TENM2: variants seen among roughly 807,000 people sequenced by gnomAD.
TENM2 encodes teneurin transmembrane protein 2.
Under a neutral mutation model 245.2 loss-of-function variants are expected in TENM2, and 52 were observed. The observed-to-expected ratio is 0.21, with a 90% CI of 0.17 to 0.27. The LOEUF (loss-of-function observed/expected upper bound fraction) is 0.27, where lower values mean the gene tolerates loss of function less well. TENM2 is among the 10% of genes least tolerant of loss of function. TENM2 has a pLI of 1.00. For synonymous variants in TENM2, 1,363 were observed against 1,438.9 expected (o/e 0.95, Z 1.19); for missense variants, 3,046 against 3,666.8 (o/e 0.83, Z 4.37).
In TENM2 at chr5:167,978,527, T is replaced by A. The variant is rs574975285; in HGVS notation, c.948-14417T>A. 5.3e-5 allele frequency among the ~76,000 whole-genome samples: 8 copies of A among 152,234 alleles called. No individual in the cohort carries two copies. In the East Asian group the frequency reaches 9.6e-4, roughly 18 times the overall value. ...GTGAAAAGAAGCCAGACACAAAAGG[T>A]CACATATTGTATGAGTCCATTTATC... On this transcript the variant is annotated intron_variant, in intron 4 of 28. Transcript: ENST00000518659.
chr5:167,515,680 T>TACACATATATACGTATATATGTATATATA (rs1283561249), intron 2 of TENM2, among the ~76,000 whole-genome samples: 2 of 55,876 alleles, frequency 3.6e-5, no homozygotes, highest in South Asian at 1.1e-3. Flanking sequence ...TGTATATATA[T>TACACATATATACGTATATATGTATATATA]TTTGAGAGGG....
intron 13 of TENM2, among the ~76,000 whole-genome samples, chr5:168,163,860 C>T (rs1757969980): frequency 6.6e-6 from 1 of 152,234 alleles, no homozygotes; most frequent in Non-Finnish European, 1.5e-5. Context: ...TGGACACCTT[C>T]CTCCAGAGCC....
At chr5:167,279,514 TTTCCTTCCTTCCTTCC>T in the TENM2 span, among the ~76,000 whole-genome samples, 96 of 98,292 alleles carry the variant, frequency 9.8e-4, no homozygotes, top group African/African-American at 3.0e-3. Context: ...CCTTCCTTCC[TTTCCTTCCTTCCTTCC>T]TTCCTTCCTT....
chr5:168,258,425 C>T (rs923302768), intron 27 of TENM2, among the ~76,000 whole-genome samples: 4 of 152,040 alleles, frequency 2.6e-5, no homozygotes, highest in African/African-American at 7.2e-5. Flanking sequence ...CACTTGAACC[C>T]AGGAGGCGGA....
intron 6 of TENM2, among the ~76,000 whole-genome samples, chr5:168,060,590 T>C (rs866206862): frequency 1.4e-4 from 21 of 152,218 alleles, no homozygotes; most frequent in South Asian, 2.1e-4. Context: ...TTTATTATCC[T>C]AGAAGTCAAA....
intron 4 of TENM2, among the ~76,000 whole-genome samples, chr5:167,960,494 G>A (rs1780922664): frequency 6.6e-6 from 1 of 152,164 alleles, no homozygotes; most frequent in Non-Finnish European, 1.5e-5. Context: ...TGTTTACACT[G>A]TGAGGGGAAA....
the TENM2 span, among the ~76,000 whole-genome samples, chr5:167,125,967 T>C: frequency 6.6e-5 from 10 of 152,196 alleles, no homozygotes; most frequent in African/African-American, 2.4e-4. Flanking sequence ...AAAGTATGTT[T>C]CTTATTAATA....
chr5:167,297,340 T>A lies in TENM2; in HGVS notation c.226+12277T>A, dbSNP rs903452442. ...TGGTGTATTAGGCATTGCAAGCCCTTGGTGCCATAGTCCATCTCCTTGTTT... is the reference window on the plus strand; with the variant it reads ...TGGTGTATTAGGCATTGCAAGCCCTAGGTGCCATAGTCCATCTCCTTGTTT... On this transcript the variant is annotated intron_variant, in intron 1 of 28. Coordinates refer to ENST00000518659, the Ensembl canonical transcript of TENM2. The A allele has an allele frequency of 3.9e-5, 6 of 152,216 alleles. 1 individual carries two copies. The highest frequency in any genetic ancestry group is 1.3e-4 in the Admixed American group (2 of 15,282). The allele number at this position is 152,216 out of a possible 1,614,324, so 9.4% of individuals were successfully genotyped here.
At chr5:167,450,905 A>G (rs1210610022) in intron 2 of TENM2, among the ~76,000 whole-genome samples, 1 of 151,864 alleles carries the variant, frequency 6.6e-6, no homozygotes, top group Non-Finnish European at 1.5e-5. Context: ...ATCATATTTC[A>G]CTGTTCTGAC....
intron 5 of TENM2, among the ~76,000 whole-genome samples, chr5:167,994,976 G>A (rs367954255): frequency 1.3e-5 from 2 of 152,168 alleles, no homozygotes; most frequent in African/African-American, 2.4e-5. Context: ...TGTGCCTTCG[G>A]GGTCTTTTCA....
At chr5:168,196,495 C>T (rs1761439658) in intron 15 of TENM2, among the ~76,000 whole-genome samples, 1 of 152,182 alleles carries the variant, frequency 6.6e-6, no homozygotes, top group African/African-American at 2.4e-5. Context: ...GAGTCTCACT[C>T]TTCTTGCCCA....
intron 2 of TENM2, among the ~76,000 whole-genome samples, chr5:167,443,949 C>CAGTA (rs1385813277): frequency 1.3e-5 from 2 of 151,900 alleles, no homozygotes; most frequent in Non-Finnish European, 2.9e-5. Context: ...TTTTTTATCC[C>CAGTA]AGTAAGTTAA....
chr5:168,111,444 G>T (rs1794662298), intron 9 of TENM2, among the ~76,000 whole-genome samples: 1 of 152,128 alleles, frequency 6.6e-6, no homozygotes, highest in Non-Finnish European at 1.5e-5. Flanking sequence ...GGGGTTGGGG[G>T]AGGGCTGTTC....
At chr5:168,043,924 A>G (rs1469692387) in intron 5 of TENM2, among the ~76,000 whole-genome samples, 1 of 152,240 alleles carries the variant, frequency 6.6e-6, no homozygotes, top group African/African-American at 2.4e-5. Context: ...TACCCATAGA[A>G]TCTGTAACCA....
At chr5:167,411,519 T>C (rs1762904989) in intron 2 of TENM2, among the ~76,000 whole-genome samples, 1 of 151,848 alleles carries the variant, frequency 6.6e-6, no homozygotes, top group Admixed American at 6.6e-5. Context: ...GGCTATGATA[T>C]TTGTTACCCA....
the TENM2 span, among the ~76,000 whole-genome samples, chr5:166,983,185 A>G: frequency 6.6e-6 from 1 of 152,300 alleles, no homozygotes; most frequent in African/African-American, 2.4e-5. Flanking sequence ...AAAAGATTTC[A>G]TAAAGTTATG....
At chr5:167,482,102 A>C (rs985394506) in intron 2 of TENM2, among the ~76,000 whole-genome samples, 5 of 152,200 alleles carry the variant, frequency 3.3e-5, no homozygotes, top group Admixed American at 6.5e-5. Flanking sequence ...TACAAAAGTC[A>C]TATGTACAAC....
chr5:167,130,390 G>A, the TENM2 span, among the ~76,000 whole-genome samples: 3 of 152,108 alleles, frequency 2.0e-5, no homozygotes, highest in African/African-American at 4.8e-5. Context: ...ACTTCTAAGC[G>A]CTTTTACATT....
At chr5:167,301,829 C>A (rs1316313818) in intron 1 of TENM2, among the ~76,000 whole-genome samples, 3 of 152,030 alleles carry the variant, frequency 2.0e-5, no homozygotes, top group Admixed American at 1.3e-4. Context: ...GAGTAAATTG[C>A]TGGGCAGGTG....
Sources: allele counts gnomAD v4.1 joint callset (sites outside exome capture counted in the v4.1 genomes callset), GRCh38; gene constraint gnomAD v4.1.1; transcripts MANE v1.5; gene names NCBI Gene and HGNC (gene_info 2026-07-23, HGNC 2026-07-21).